The following ARHGAP10 variants were observed in gnomAD, a reference collection of about 807,000 sequenced individuals.
The protein encoded by ARHGAP10 is Rho GTPase activating protein 10, also known as rho GTPase-activating protein 10.
Under a neutral mutation model 108.6 loss-of-function variants are expected in ARHGAP10, and 87 were observed. The observed-to-expected ratio is 0.80, with a 90% CI of 0.67 to 0.96. The LOEUF is 0.96. ARHGAP10 is among the 40% of genes least tolerant of loss of function. ARHGAP10 has a pLI of 0.00. For missense variants in ARHGAP10, 939 were observed against 954.5 expected (o/e 0.98, Z 0.21); for synonymous variants, 347 against 341.1 (o/e 1.02, Z -0.19).
rs187735657 is a variant in ARHGAP10, at chr4:147,904,085, G to C, written c.1035-2553G>C. Among the ~76,000 whole-genome samples, 3 of 152,296 alleles carry C rather than the reference G, an allele frequency of 2.0e-5. No homozygotes were observed. In the East Asian group the frequency reaches 5.8e-4, roughly 29 times the overall value. ...TTGCATTGCCACCAGCAATGAATAA[G>C]AGTTCCTGTTGCTCCACATCCTCTT... On this transcript the variant is annotated intron_variant, in intron 10 of 22. Transcript: ENST00000336498.
At chr4:147,825,108 G>A (rs1467596748) in intron 3 of ARHGAP10, among the ~76,000 whole-genome samples, 1 of 152,108 alleles carries the variant, frequency 6.6e-6, no homozygotes, top group Non-Finnish European at 1.5e-5. Context: ...GGCTGGTGGG[G>A]GTTTATGTTG....
At chr4:148,017,652 CTATATATATA>C (rs35472561) in intron 18 of ARHGAP10, among the ~76,000 whole-genome samples, 28 of 105,334 alleles carry the variant, frequency 2.7e-4, no homozygotes, top group African/African-American at 5.1e-4. Flanking sequence ...GAGCCAGTAA[CTATATATATA>C]TATATATATA....
At chr4:147,733,382 C>T (rs542347931) in intron 1 of ARHGAP10, among the ~76,000 whole-genome samples, 1 of 152,264 alleles carries the variant, frequency 6.6e-6, no homozygotes, top group South Asian at 2.1e-4. Context: ...TCCCTTGGAT[C>T]CATAACCCCT....
chr4:147,922,249 AG>A (rs1737265225), intron 13 of ARHGAP10, among the ~76,000 whole-genome samples: 1 of 151,998 alleles, frequency 6.6e-6, no homozygotes, highest in Admixed American at 6.5e-5. Flanking sequence ...GAAGGGAGGG[AG>A]GGAGGCAGGC....
intron 1 of ARHGAP10, among the ~76,000 whole-genome samples, chr4:147,778,320 T>C (rs1730389536): frequency 6.6e-6 from 1 of 152,152 alleles, no homozygotes; most frequent in African/African-American, 2.4e-5. Context: ...TGGGGGGTTA[T>C]TCTGGGAAAA....
chr4:147,895,119 A>C lies in ARHGAP10; in HGVS notation c.1035-11519A>C, dbSNP rs150132539. Reference sequence around the variant, plus strand: ...TTCCATTTATTTAGACTTTCCATTTATCCCAGTAATGTTTTACAGTTTTCA... The same window carrying C: ...TTCCATTTATTTAGACTTTCCATTTCTCCCAGTAATGTTTTACAGTTTTCA... On this transcript the variant is annotated intron_variant, in intron 10 of 22. Coordinates refer to ENST00000336498, the MANE Select transcript of ARHGAP10 (RefSeq NM_024605.4). Among the ~76,000 whole-genome samples the C allele has an allele frequency of 2.3e-4, 35 of 152,042 alleles. No individual in the cohort carries two copies. The East Asian group carries it at 5.2e-3, about 23-fold the overall frequency.
chr4:147,749,969 A>G (rs904280832), intron 1 of ARHGAP10, among the ~76,000 whole-genome samples: 15 of 152,322 alleles, frequency 9.8e-5, no homozygotes, highest in Middle Eastern at 3.4e-3. Context: ...TTTGTTTGCA[A>G]TAAGATGGTT....
chr4:147,970,075 C>T (rs1211740236), intron 18 of ARHGAP10, among the ~76,000 whole-genome samples: 3 of 151,994 alleles, frequency 2.0e-5, no homozygotes, highest in Non-Finnish European at 4.4e-5. Flanking sequence ...CCTTGTCTCT[C>T]CCATTTCATC....
chr4:147,999,715 G>A lies in ARHGAP10; in HGVS notation c.1717-23548G>A, dbSNP rs369580470. Reference sequence around the variant, plus strand: ...CCCAAGATTCCATTCGTTGGAATCCGTGAGGCCAAGAACCCCAGGTCAGAG... The same window carrying A: ...CCCAAGATTCCATTCGTTGGAATCCATGAGGCCAAGAACCCCAGGTCAGAG... On this transcript the variant is annotated intron_variant, in intron 18 of 22. Coordinates refer to ENST00000336498, the MANE Select transcript of ARHGAP10 (RefSeq NM_024605.4). Among the ~76,000 whole-genome samples, 7 of 152,224 alleles carry A rather than the reference G, an allele frequency of 4.6e-5. No individual in the cohort carries two copies. In the East Asian group the frequency reaches 5.8e-4, roughly 13 times the overall value.
chr4:148,054,898 G>A (rs760503716), intron 20 of ARHGAP10, among the ~76,000 whole-genome samples: 3 of 152,194 alleles, frequency 2.0e-5, no homozygotes, highest in Non-Finnish European at 2.9e-5. Context: ...AGCTGTGCTT[G>A]GCCCTGTTGA....
chr4:147,943,537 T>C (rs2126966549), intron 14 of ARHGAP10, among the ~76,000 whole-genome samples: 1 of 152,342 alleles, frequency 6.6e-6, no homozygotes, highest in African/African-American at 2.4e-5. Flanking sequence ...TGCATTTAGG[T>C]TGGACTGCAG....
intron 1 of ARHGAP10, among the ~76,000 whole-genome samples, chr4:147,779,220 C>T (rs745365967): frequency 3.3e-5 from 5 of 152,058 alleles, no homozygotes; most frequent in Admixed American, 1.3e-4. Context: ...ATGTAAGCTG[C>T]GGCCAGAGGA....
Position 147,765,338 on chromosome 4 carries a change from G to GTGTGT in ARHGAP10, c.154+32883_154+32884insTGTGT, listed in dbSNP as rs1553947366. On this transcript the variant is annotated intron_variant, in intron 1 of 22. Coordinates refer to ENST00000336498, the MANE Select transcript of ARHGAP10 (RefSeq NM_024605.4). ...TGTGTGCTGTGGTGTGTGTGTGTGTGGGGGGGGGGGTGTGAGTGTGTGTAT... is the reference window on the plus strand; with the variant it reads ...TGTGTGCTGTGGTGTGTGTGTGTGTGTGTGTGGGGGGGGGGTGTGAGTGTGTGTAT... Among the ~76,000 whole-genome samples, 90 of 80,894 alleles carry GTGTGT rather than the reference G, an allele frequency of 1.1e-3. 1 individual carries two copies. The highest frequency in any genetic ancestry group is 4.1e-3 in the East Asian group (14 of 3,378). The allele number at this position is 80,894 out of a possible 152,430, so 53.1% of individuals were successfully genotyped here. A position where few individuals can be genotyped will look rare whatever the true frequency, so the allele number is the denominator to read the frequency against.
chr4:147,900,016 A>G (rs2126898736), intron 10 of ARHGAP10, among the ~76,000 whole-genome samples: 1 of 151,988 alleles, frequency 6.6e-6, no homozygotes, highest in South Asian at 2.1e-4. Flanking sequence ...GTCTCCTTAG[A>G]CTTGTGAATG....
chr4:148,033,757 A>G (rs1358985616), intron 19 of ARHGAP10, among the ~76,000 whole-genome samples: 1 of 152,224 alleles, frequency 6.6e-6, no homozygotes, highest in Non-Finnish European at 1.5e-5. Flanking sequence ...AAGAAAGGGA[A>G]TGGAGTCCCT....
intron 19 of ARHGAP10, among the ~76,000 whole-genome samples, chr4:148,024,727 T>G (rs546709085): frequency 6.6e-6 from 1 of 152,234 alleles, no homozygotes; most frequent in Non-Finnish European, 1.5e-5. Flanking sequence ...CTAGCTAACT[T>G]TTTTATTCTG....
chr4:147,911,643 T>TG (rs5862820), intron 12 of ARHGAP10, among the ~76,000 whole-genome samples: 129,245 of 148,672 alleles, frequency 0.87, 56,009 homozygotes, highest in Non-Finnish European at 0.95. Context: ...ATTACAGGCG[T>TG]GAGCCACCGC....
intron 1 of ARHGAP10, among the ~76,000 whole-genome samples, chr4:147,762,885 G>T (rs1729648543): frequency 1.3e-5 from 2 of 151,278 alleles, no homozygotes; most frequent in Non-Finnish European, 2.9e-5. Context: ...GGGGTAGATT[G>T]TTGCTCATCA....
At chr4:148,031,921 A>C (rs918642499) in intron 19 of ARHGAP10, among the ~76,000 whole-genome samples, 2 of 152,122 alleles carry the variant, frequency 1.3e-5, no homozygotes, top group Non-Finnish European at 2.9e-5. Context: ...TTTTATTGTA[A>C]TTTATGCCAC....
Sources: gnomAD v4.1 joint callset for allele counts (sites outside exome capture counted in the v4.1 genomes callset) on GRCh38, gnomAD v4.1.1 for gene constraint, MANE v1.5 for transcripts, NCBI Gene and HGNC (gene_info 2026-07-23, HGNC 2026-07-21) for gene names.